The following PTPRG variants were observed in gnomAD, a reference collection of about 807,000 sequenced individuals.
The protein encoded by PTPRG is protein tyrosine phosphatase receptor type G.
PTPRG carries 102 observed loss-of-function variants against 165.3 expected under a neutral mutation model. The observed-to-expected ratio is 0.62, with a 90% CI of 0.53 to 0.73. The LOEUF (loss-of-function observed/expected upper bound fraction) is 0.73. Ranked by LOEUF, PTPRG falls within the 30% of genes least tolerant of loss-of-function variation. The pLI is 0.00. For synonymous variants in PTPRG, 675 were observed against 669.5 expected (o/e 1.01, Z -0.13); for missense variants, 1,866 against 1,861.4 (o/e 1.00, Z -0.05).
chr3:61,716,266 T>C (rs896303567), intron 1 of PTPRG, among the ~76,000 whole-genome samples: 1 of 152,210 alleles, frequency 6.6e-6, no homozygotes, highest in Admixed American at 6.5e-5. Flanking sequence ...TGTGGTAATT[T>C]AATGTATTTT....
intron 4 of PTPRG, among the ~76,000 whole-genome samples, chr3:62,015,298 C>T (rs931843382): frequency 2.0e-5 from 3 of 152,164 alleles, no homozygotes; most frequent in Middle Eastern, 3.4e-3. Context: ...GGCAGGAACC[C>T]GGGGCTGCTG....
chr3:61,743,177 G>A (rs1343893493), intron 1 of PTPRG: 5 of 789,572 alleles, frequency 6.3e-6, no homozygotes, highest in African/African-American at 5.1e-5. Context: ...GCTTCGGGCT[G>A]GAAATGAGGT....
intron 1 of PTPRG, among the ~76,000 whole-genome samples, chr3:61,673,185 T>A (rs1703096077): frequency 6.6e-6 from 1 of 152,018 alleles, no homozygotes; most frequent in Non-Finnish European, 1.5e-5. Flanking sequence ...AGAAAAAAGA[T>A]AAAACAAATA....
At chr3:61,679,375 T>C (rs1221464267) in intron 1 of PTPRG, among the ~76,000 whole-genome samples, 1 of 152,114 alleles carries the variant, frequency 6.6e-6, no homozygotes. Flanking sequence ...TGTTTTTCAT[T>C]AAAAGGTACC....
chr3:61,932,863 A>G (rs1259914144), intron 2 of PTPRG, among the ~76,000 whole-genome samples: 3 of 152,136 alleles, frequency 2.0e-5, no homozygotes, highest in Non-Finnish European at 4.4e-5. Flanking sequence ...TTGTCTCAGT[A>G]TTTCATGGGA....
At chr3:62,087,832 G>T (rs1337400856) in intron 5 of PTPRG, among the ~76,000 whole-genome samples, 1 of 152,196 alleles carries the variant, frequency 6.6e-6, no homozygotes, top group African/African-American at 2.4e-5. Flanking sequence ...GATAGCTGAA[G>T]AGGTATTTTC....
chr3:61,562,138 C>A lies in PTPRG; in HGVS notation c.-150C>A. 26 of 469,316 alleles carry A rather than the reference C, an allele frequency of 5.5e-5. No individual in the cohort carries two copies. The highest frequency in any genetic ancestry group is 1.3e-4 in the East Asian group (3 of 23,554). The allele number at this position is 469,316 out of a possible 1,614,324, so 29.1% of individuals were successfully genotyped here. A position where few individuals can be genotyped will look rare whatever the true frequency, so the allele number is the denominator to read the frequency against. On this transcript the variant is annotated 5_prime_UTR_variant, in exon 1 of 30. Transcript: ENST00000474889. Reference sequence around the variant, plus strand: ...GGGGCGCTCGGCGGCTTCCCGGATTCCAAGGGGACTCGGGCCGCCGAGCGC... The same window carrying A: ...GGGGCGCTCGGCGGCTTCCCGGATTACAAGGGGACTCGGGCCGCCGAGCGC...
chr3:61,813,792 C>T (rs1338053547), intron 2 of PTPRG, among the ~76,000 whole-genome samples: 1 of 151,582 alleles, frequency 6.6e-6, no homozygotes, highest in Non-Finnish European at 1.5e-5. Flanking sequence ...AGCAAGGTCT[C>T]GAAGTGGTTT....
chr3:61,990,549 G>A (rs561602503), intron 3 of PTPRG, among the ~76,000 whole-genome samples: 2 of 152,310 alleles, frequency 1.3e-5, no homozygotes, highest in East Asian at 3.9e-4. Flanking sequence ...TCAGTTTATA[G>A]ATTGTCCTTG....
intron 1 of PTPRG, among the ~76,000 whole-genome samples, chr3:61,570,477 G>T (rs1363741679): frequency 1.3e-5 from 2 of 152,144 alleles, no homozygotes. Context: ...CTTATTTTTG[G>T]GTCTGTGATA....
intron 2 of PTPRG, among the ~76,000 whole-genome samples, chr3:61,982,167 G>T (rs563952568): frequency 3.4e-4 from 52 of 152,220 alleles, no homozygotes; most frequent in Admixed American, 2.5e-3. Context: ...CTAACTTTAA[G>T]GTTGAAAACT....
intron 2 of PTPRG, among the ~76,000 whole-genome samples, chr3:61,946,114 T>G (rs1238098134): frequency 6.6e-6 from 1 of 152,240 alleles, no homozygotes; most frequent in African/African-American, 2.4e-5. Flanking sequence ...AATTAAAAAC[T>G]TGGCCACAAT....
chr3:61,955,577 A>G (rs2040010014), intron 2 of PTPRG, among the ~76,000 whole-genome samples: 1 of 152,214 alleles, frequency 6.6e-6, no homozygotes, highest in Non-Finnish European at 1.5e-5. Flanking sequence ...CCTGAGCAAT[A>G]TAGATACCTG....
chr3:61,739,422 G>A (rs1040235987), intron 1 of PTPRG, among the ~76,000 whole-genome samples: 1 of 152,180 alleles, frequency 6.6e-6, no homozygotes, highest in Non-Finnish European at 1.5e-5. Flanking sequence ...TGAGGCTCAT[G>A]TAGAAATTTT....
chr3:62,109,956 C>T (rs989984420), intron 5 of PTPRG, among the ~76,000 whole-genome samples: 3 of 152,122 alleles, frequency 2.0e-5, no homozygotes, highest in African/African-American at 7.2e-5. Flanking sequence ...AGTTTCTTTG[C>T]CAGAGGTTCC....
intron 5 of PTPRG, among the ~76,000 whole-genome samples, chr3:62,106,284 A>G (rs143108495): frequency 2.6e-5 from 4 of 152,294 alleles, no homozygotes; most frequent in Non-Finnish European, 5.9e-5. Flanking sequence ...ACTGGACTCT[A>G]ACATCACAGT....
intron 2 of PTPRG, among the ~76,000 whole-genome samples, chr3:61,874,712 C>T (rs777206152): frequency 1.2e-4 from 18 of 152,010 alleles, no homozygotes; most frequent in Non-Finnish European, 1.9e-4. Flanking sequence ...TGGGAGGAGT[C>T]CAGGGACGCC....
chr3:61,701,003 C>G (rs2030922379), intron 1 of PTPRG, among the ~76,000 whole-genome samples: 1 of 152,198 alleles, frequency 6.6e-6, no homozygotes, highest in Non-Finnish European at 1.5e-5. Context: ...GAAGTGAAGA[C>G]AGTCTAGGAG....
chr3:62,028,865 T>G (rs2107777295), intron 4 of PTPRG, among the ~76,000 whole-genome samples: 2 of 152,344 alleles, frequency 1.3e-5, no homozygotes, highest in East Asian at 3.9e-4. Context: ...GTTGGTGTCA[T>G]ATAGTCTGGT....
Sources: allele counts gnomAD v4.1 joint callset (sites outside exome capture counted in the v4.1 genomes callset), GRCh38; gene constraint gnomAD v4.1.1; transcripts MANE v1.5; gene names NCBI Gene and HGNC (gene_info 2026-07-23, HGNC 2026-07-21).